WDR72: variants seen among roughly 807,000 people sequenced by gnomAD.
The protein encoded by WDR72 is WD repeat domain 72.
In WDR72, 120 loss-of-function variants were observed where a neutral mutation model predicts 124.2. The observed-to-expected ratio is 0.97, with a 90% CI of 0.83 to 1.12. The LOEUF (loss-of-function observed/expected upper bound fraction) is 1.12. Among genes scored for constraint, WDR72 ranks in the 50% most tolerant of loss-of-function variants. The probability of loss-of-function intolerance (pLI) is 0.00; values close to 1 mark genes in which losing one functional copy is unlikely to be tolerated. For missense variants in WDR72, 1,387 were observed against 1,278.8 expected, an observed-to-expected ratio of 1.08 and a Z score of -1.29; for synonymous variants, 452 against 441.7, an observed-to-expected ratio of 1.02 and a Z score of -0.29.
chr15:53,622,849 A>G (rs777685010), intron 14 of WDR72, among the ~76,000 whole-genome samples: 1 of 152,158 alleles, frequency 6.6e-6, no homozygotes, highest in South Asian at 2.1e-4. Context: ...AATAGATATG[A>G]CTAGCCAAAT....
intron 2 of WDR72, among the ~76,000 whole-genome samples, chr15:53,728,910 T>C (rs1000399175): frequency 6.6e-6 from 1 of 152,000 alleles, no homozygotes; most frequent in Non-Finnish European, 1.5e-5. Flanking sequence ...ATTCTCTAGC[T>C]CCCCTGTGCC....
intron 18 of WDR72, among the ~76,000 whole-genome samples, chr15:53,586,447 T>C (rs1488152829): frequency 2.0e-5 from 3 of 152,086 alleles, no homozygotes; most frequent in African/African-American, 4.8e-5. Context: ...CCTATCTGTG[T>C]ATCTCTTTCC....
intron 1 of WDR72, among the ~76,000 whole-genome samples, chr15:53,733,516 T>C (rs1202577492): frequency 6.6e-6 from 1 of 152,156 alleles, no homozygotes; most frequent in Non-Finnish European, 1.5e-5. Flanking sequence ...GTCTACATGG[T>C]ATAATTTGAA....
intron 13 of WDR72, among the ~76,000 whole-genome samples, chr15:53,696,904 G>A (rs1299763268): frequency 6.6e-6 from 1 of 152,216 alleles, no homozygotes; most frequent in African/African-American, 2.4e-5. Flanking sequence ...TTCACAGGGT[G>A]TTGTAAGGCT....
At chr15:53,735,214 C>T (rs931798512) in intron 1 of WDR72, among the ~76,000 whole-genome samples, 9 of 152,022 alleles carry the variant, frequency 5.9e-5, no homozygotes, top group Non-Finnish European at 1.3e-4. Context: ...TCACTTGAAC[C>T]CAGGAGGTGG....
chr15:53,726,763 G>A (rs1438903097), intron 2 of WDR72, among the ~76,000 whole-genome samples: 4 of 152,208 alleles, frequency 2.6e-5, no homozygotes, highest in South Asian at 2.1e-4. Flanking sequence ...AGAATCGCTT[G>A]AGCTCTAACA....
intron 1 of WDR72, among the ~76,000 whole-genome samples, chr15:53,737,224 A>T (rs1242267746): frequency 6.6e-6 from 1 of 152,200 alleles, no homozygotes; most frequent in African/African-American, 2.4e-5. Context: ...AATTGCTGTT[A>T]AAACAAGGAA....
At chr15:53,633,723 A>G (rs1420696198) in intron 14 of WDR72, among the ~76,000 whole-genome samples, 2 of 152,228 alleles carry the variant, frequency 1.3e-5, no homozygotes, top group African/African-American at 4.8e-5. Context: ...AGGGGATAAA[A>G]TATTCTATAT....
At chr15:53,572,865 T>C (rs991376860) in intron 18 of WDR72, among the ~76,000 whole-genome samples, 8 of 152,346 alleles carry the variant, frequency 5.3e-5, no homozygotes, top group Admixed American at 2.6e-4. Context: ...AGAGTTCTCC[T>C]TTCTAGAGAA....
At chr15:53,550,204 G>A (rs1407890603) in intron 18 of WDR72, among the ~76,000 whole-genome samples, 3 of 152,158 alleles carry the variant, frequency 2.0e-5, no homozygotes, top group African/African-American at 7.2e-5. Context: ...TTTTCTTAAA[G>A]GTTCAGATAG....
chr15:53,551,578 C>T (rs772495590), intron 18 of WDR72, among the ~76,000 whole-genome samples: 2 of 151,988 alleles, frequency 1.3e-5, no homozygotes, highest in Non-Finnish European at 2.9e-5. Flanking sequence ...ACATTTATCA[C>T]CATGAATTTG....
At chr15:53,731,853 A>G (rs1299495556) in intron 2 of WDR72, among the ~76,000 whole-genome samples, 1 of 152,180 alleles carries the variant, frequency 6.6e-6, no homozygotes, top group Non-Finnish European at 1.5e-5. Flanking sequence ...TATGCTAAAC[A>G]AAAGTTGAAT....
At chr15:53,711,016 C>G (rs2017520573) in intron 8 of WDR72, 63 bp from the exon 9 acceptor site, 4 of 1,397,780 alleles carry the variant, frequency 2.9e-6, no homozygotes, top group South Asian at 2.3e-5. Context: ...TTTTTTTTCC[C>G]CCTCCCACTT....
intron 18 of WDR72, among the ~76,000 whole-genome samples, chr15:53,555,195 T>C (rs1377493204): frequency 2.9e-5 from 4 of 136,672 alleles, no homozygotes; most frequent in Non-Finnish European, 6.3e-5. Flanking sequence ...CTTTCTACAA[T>C]GTGAAGCCAT....
At position 53,516,121 on chromosome 15, in the gene WDR72, T is replaced by A. The variant is rs1891448380; in HGVS notation, c.*1578A>T. 6.6e-6 allele frequency: 1 copy of A among 152,142 alleles called. No homozygotes were observed. Among genetic ancestry groups the A allele is most frequent in the Non-Finnish European group, 1.5e-5 (1 of 68,012 alleles). 9.4% of individuals were successfully genotyped at this position (152,142 alleles called of 1,614,324 possible). A position where few individuals can be genotyped will look rare whatever the true frequency, so the allele number is the denominator to read the frequency against. ...AAAGGAGGGGGAATATATTTATCAA[T>A]CAGTTTTCAAAGGATAATAATTTTC... On this transcript the variant is annotated 3_prime_UTR_variant, in exon 20 of 20. Coordinates refer to ENST00000360509, the MANE Select transcript of WDR72 (RefSeq NM_182758.4).
chr15:53,737,611 AAT>A (rs2140627303), intron 1 of WDR72, among the ~76,000 whole-genome samples: 1 of 152,320 alleles, frequency 6.6e-6, no homozygotes, highest in South Asian at 2.1e-4. Context: ...AGAAAAGGAT[AAT>A]AGTCTCTAGA....
chr15:53,606,345 C>A (rs1448321943), intron 17 of WDR72, among the ~76,000 whole-genome samples: 1 of 152,084 alleles, frequency 6.6e-6, no homozygotes, highest in Non-Finnish European at 1.5e-5. Flanking sequence ...TGCTAATGTG[C>A]TGATAAAGTT....
At chr15:53,554,074 C>CT (rs1290971165) in intron 18 of WDR72, among the ~76,000 whole-genome samples, 7 of 152,002 alleles carry the variant, frequency 4.6e-5, no homozygotes, top group Non-Finnish European at 8.8e-5. Flanking sequence ...TTTGTGTTTA[C>CT]TTGGTATTCT....
chr15:53,674,605 A>G (rs190102951), intron 13 of WDR72, among the ~76,000 whole-genome samples: 19 of 152,302 alleles, frequency 1.2e-4, no homozygotes, highest in Admixed American at 1.1e-3. Context: ...TTAGGGATAA[A>G]GGTACTTACC....
Sources: gnomAD v4.1 joint callset for allele counts (sites outside exome capture counted in the v4.1 genomes callset) on GRCh38, gnomAD v4.1.1 for gene constraint, MANE v1.5 for transcripts, NCBI Gene and HGNC (gene_info 2026-07-23, HGNC 2026-07-21) for gene names.